ODAD2: variants seen among roughly 807,000 people sequenced by gnomAD.
ODAD2 encodes the protein outer dynein arm docking complex subunit 2.
ODAD2 carries 89 observed loss-of-function variants against 106.8 expected under a neutral mutation model. The ratio of observed to expected loss-of-function variants is 0.83; its 90% CI spans 0.70 to 0.99. The LOEUF (loss-of-function observed/expected upper bound fraction) is 0.99, where lower values mean the gene tolerates loss of function less well. Ranked by LOEUF, ODAD2 falls within the 50% of genes least tolerant of loss-of-function variation. The pLI, the probability that ODAD2 is intolerant of heterozygous loss-of-function variation, is 0.00. For synonymous variants in ODAD2, 404 were observed against 436.2 expected (o/e 0.93, Z 0.92); for missense variants, 1,168 against 1,238.5 (o/e 0.94, Z 0.85).
chr10:27,853,787 C>T (rs1839460531), intron 19 of ODAD2, among the ~76,000 whole-genome samples: 1 of 151,918 alleles, frequency 6.6e-6, no homozygotes, highest in South Asian at 2.1e-4. Flanking sequence ...AAGTGAAAAA[C>T]CAAAAATTAT....
chr10:27,875,329 T>C (rs915548340), intron 17 of ODAD2, among the ~76,000 whole-genome samples: 16 of 152,180 alleles, frequency 1.1e-4, no homozygotes, highest in Non-Finnish European at 2.9e-5. Context: ...AGAAGTTTGA[T>C]CTTCTGAAGC....
chr10:27,899,483 A>T (rs554183923), intron 17 of ODAD2, among the ~76,000 whole-genome samples: 28 of 152,046 alleles, frequency 1.8e-4, no homozygotes, highest in Admixed American at 5.9e-4. Flanking sequence ...CACTCCTGGA[A>T]AGGAGGCTGA....
chr10:27,860,456 A>AG (rs2133320940), intron 19 of ODAD2, among the ~76,000 whole-genome samples, 169 bp downstream of exon 19: 2 of 152,314 alleles, frequency 1.3e-5, no homozygotes, highest in Non-Finnish European at 2.9e-5. Flanking sequence ...TTGTTTAAAA[A>AG]GAAAAAAAAA....
chr10:27,901,510 T>C (rs748711643), intron 17 of ODAD2, among the ~76,000 whole-genome samples: 9 of 152,084 alleles, frequency 5.9e-5, no homozygotes, highest in Non-Finnish European at 1.0e-4. Context: ...TTAAAAGACA[T>C]AGATTGGCAA....
intron 17 of ODAD2, among the ~76,000 whole-genome samples, chr10:27,871,467 T>C (rs962933017): frequency 6.6e-6 from 1 of 152,234 alleles, no homozygotes; most frequent in African/African-American, 2.4e-5. Context: ...TAGGTTTTCC[T>C]CTAGGGCTTG....
Position 27,971,251 on chromosome 10 carries a change from C to A in ODAD2, c.999G>T (p.Lys333Asn). 6.2e-7 allele frequency: 1 copy of A among 1,613,702 alleles called. No individual in the cohort carries two copies. Among genetic ancestry groups the A allele is most frequent in the African/African-American group, 1.3e-5 (1 of 74,994 alleles). Reference protein sequence around the residue: ...EKDQLGKAPKKEEAAALRKDI... With the variant: ...EKDQLGKAPKNEEAAALRKDI... ...CTTTGCGGAGGGCAGCTGCTTCTTC[C>A]TTCTTGGGGGCTTTGCCAAGCTGAT... Residue 333 changes from lysine to asparagine, a missense_variant, in exon 8 of 20, where the codon AAG becomes AAT. Lys to Asn is a moderately conservative substitution (Grantham distance 94). Transcript: ENST00000305242.
chr10:27,982,765 T>G (rs1223903166), intron 6 of ODAD2, among the ~76,000 whole-genome samples: 2 of 152,296 alleles, frequency 1.3e-5, no homozygotes, highest in East Asian at 3.9e-4. Context: ...CAAATTTATG[T>G]TGAAGATACT....
At chr10:27,920,201 G>A (rs189767522) in intron 16 of ODAD2, among the ~76,000 whole-genome samples, 1 of 152,096 alleles carries the variant, frequency 6.6e-6, no homozygotes, top group East Asian at 1.9e-4. Flanking sequence ...TTCTTGACTT[G>A]GATGGCAGTT....
At chr10:27,848,242 G>T (rs191491064) in intron 19 of ODAD2, among the ~76,000 whole-genome samples, 19 of 152,260 alleles carry the variant, frequency 1.2e-4, no homozygotes, top group Admixed American at 7.2e-4. Context: ...AAATGAAAGA[G>T]AACAGAGCCC....
rs1266525930 is a variant in ODAD2 at position 27,882,172 on chromosome 10, A to AAAAAG, written c.2611-19555_2611-19551dup. ...GACAGAGTGAGACCTTGTCATAAAA[A>AAAAAG]AAAAGAAAGAAAGAAAGAAAGAAAG... On this transcript the variant is annotated intron_variant, in intron 17 of 19. Coordinates refer to ENST00000305242, the MANE Select transcript of ODAD2 (RefSeq NM_018076.5). Among the ~76,000 whole-genome samples the AAAAAG allele has an allele frequency of 7.3e-5, 10 of 137,806 alleles. No homozygotes were observed. The Admixed American group carries it at 7.6e-4, about 11-fold the overall frequency. The allele number at this position is 137,806 out of a possible 152,430, so 90.4% of individuals were successfully genotyped here.
At chr10:27,877,655 A>G (rs766288309) in intron 17 of ODAD2, among the ~76,000 whole-genome samples, 1 of 152,180 alleles carries the variant, frequency 6.6e-6, no homozygotes, top group African/African-American at 2.4e-5. Context: ...GTCTTTCACC[A>G]ATGCTGAACG....
Position 27,913,223 on chromosome 10 carries a change from G to A in ODAD2, c.2496-5446C>T, listed in dbSNP as rs180857512. Among the ~76,000 whole-genome samples, 51 of 151,988 alleles carry A rather than the reference G, an allele frequency of 3.4e-4. 1 individual carries two copies. In the East Asian group the frequency reaches 9.5e-3, roughly 28 times the overall value. ...GGGGGTTTGGTGTACAGATTATTTT[G>A]TTACCCAGATAATAAGCATGGTACC... On this transcript the variant is annotated intron_variant, in intron 16 of 19. Transcript: ENST00000305242.
At chr10:27,943,795 C>CAAAAAAAAAAAAAAAAAA (rs56059926) in intron 12 of ODAD2, among the ~76,000 whole-genome samples, 1 of 58,624 alleles carries the variant, frequency 1.7e-5, no homozygotes, top group African/African-American at 7.7e-5. Flanking sequence ...GGCTCTGTCT[C>CAAAAAAAAAAAAAAAAAA]AAAAAAAAAA....
chr10:27,858,068 T>G (rs999112792), intron 19 of ODAD2, among the ~76,000 whole-genome samples: 4 of 152,202 alleles, frequency 2.6e-5, no homozygotes, highest in Non-Finnish European at 5.9e-5. Context: ...GTGCCAAAAT[T>G]TTTTGCATTA....
chr10:27,858,488 C>A (rs1839813668), intron 19 of ODAD2, among the ~76,000 whole-genome samples: 1 of 152,142 alleles, frequency 6.6e-6, no homozygotes, highest in African/African-American at 2.4e-5. Flanking sequence ...AGAAAGGCCC[C>A]CAAGAAACCC....
chr10:27,942,614 G>T (rs1453719676), intron 12 of ODAD2, among the ~76,000 whole-genome samples: 1 of 152,150 alleles, frequency 6.6e-6, no homozygotes, highest in East Asian at 1.9e-4. Context: ...AGTGTCAGTA[G>T]ACAGTCACAT....
chr10:27,827,380 T>C (rs572025959), intron 19 of ODAD2, among the ~76,000 whole-genome samples: 1 of 8,004 alleles, frequency 1.2e-4, no homozygotes, highest in African/African-American at 3.7e-4. Flanking sequence ...ACACACACAC[T>C]ATATATATAT....
At chr10:27,917,711 G>A (rs1001009926) in intron 16 of ODAD2, among the ~76,000 whole-genome samples, 3 of 151,826 alleles carry the variant, frequency 2.0e-5, no homozygotes, top group African/African-American at 2.4e-5. Context: ...AATAGTCTTT[G>A]CTTTGTTTTT....
intron 17 of ODAD2, among the ~76,000 whole-genome samples, chr10:27,892,473 C>T (rs777367600): frequency 8.5e-5 from 13 of 152,100 alleles, no homozygotes; most frequent in Non-Finnish European, 1.0e-4. Flanking sequence ...TTTCACACTC[C>T]GATTTTCCTA....
Sources: allele counts gnomAD v4.1 joint callset (sites outside exome capture counted in the v4.1 genomes callset), GRCh38; gene constraint gnomAD v4.1.1; transcripts MANE v1.5; gene names NCBI Gene and HGNC (gene_info 2026-07-23, HGNC 2026-07-21).